TWNK: variants seen among roughly 807,000 people sequenced by gnomAD.
The protein encoded by TWNK is T7 gp4-like protein with intramitochondrial nucleoid localization.
A neutral mutation model predicts 58.2 loss-of-function variants in TWNK; 36 were observed. That is an observed-to-expected ratio of 0.62 (90% CI 0.47 to 0.82). The LOEUF is 0.82. Ranked by LOEUF, TWNK falls within the 40% of genes least tolerant of loss-of-function variation. TWNK has a pLI of 0.00. For missense variants in TWNK, 714 were observed against 881.0 expected (o/e 0.81, Z 2.40); for synonymous variants, 349 against 348.5 (o/e 1.00, Z -0.02).
At chr10:100,990,580 G>A (rs755236407) in intron 3 of TWNK, 37 bp downstream of exon 3, 11 of 1,613,344 alleles carry the variant, frequency 6.8e-6, no homozygotes, top group African/African-American at 2.7e-5. Flanking sequence ...GCTTGAGCCC[G>A]CTTGGACATA....
rs781680451 is a variant in TWNK, at chr10:100,993,554, G to C, written c.*44G>C. ...CACTGAAATGAGCCTGATAGGATAGGCTGGAGCATAAAACTCTGCAAGGGC... is the reference window on the plus strand; with the variant it reads ...CACTGAAATGAGCCTGATAGGATAGCCTGGAGCATAAAACTCTGCAAGGGC... On this transcript the variant is annotated 3_prime_UTR_variant, in exon 5 of 5. Transcript: ENST00000311916. 1.1e-5 allele frequency: 17 copies of C among 1,604,134 alleles called. No homozygotes were observed. Among genetic ancestry groups the C allele is most frequent in the East Asian group, 2.2e-5 (1 of 44,714 alleles).
chr10:100,988,156 C>A lies in TWNK; in HGVS notation c.-55C>A. 2.5e-6 allele frequency: 4 copies of A among 1,603,470 alleles called. No homozygotes were observed. The highest frequency in any genetic ancestry group is 3.4e-6 in the Non-Finnish European group (4 of 1,171,994). On this transcript the variant is annotated 5_prime_UTR_variant, in exon 1 of 5. Coordinates refer to ENST00000311916, the MANE Select transcript of TWNK (RefSeq NM_021830.5). This position sits in a 1 kb window ranked among gnomAD's most constrained non-coding sequence, Gnocchi z 5.2. ...CCTAGAGTTTGGTCTAGTGAAGGCA[C>A]GCTAACCAGGCACCTAAGGCATTTC...
At position 100,989,085 on chromosome 10, in the gene TWNK, C is replaced by T. The variant is rs371213994; in HGVS notation, c.875C>T (p.Pro292Leu). The change falls in exon 1 of 5, where the codon CCT (proline) becomes CTT (leucine). Residue 292 changes from proline (P) to leucine (L), a missense_variant. Physicochemically the swap from Pro to Leu is moderately conservative, Grantham distance 98. This residue lies in a region of TWNK where 348 missense variants were observed against 388.4 expected (regional missense o/e 0.90). Transcript: ENST00000311916. This position sits in a 1 kb window ranked among gnomAD's most constrained non-coding sequence, Gnocchi z 7.6. ...CCCCGAGGAACGACCTGCTTACCCC[C>T]TGCCTTACTCCCTTACCTGGAACAG... ...TLPRGTTCLP[P>L]ALLPYLEQFR... The T allele has an allele frequency of 6.2e-7, 1 of 1,613,822 alleles. No homozygotes were observed. Among genetic ancestry groups the T allele is most frequent in the Non-Finnish European group, 8.5e-7 (1 of 1,179,762 alleles).
rs1254938186 is a variant in TWNK, at chr10:100,993,244, G to A, written c.1789G>A (p.Gly597Arg). 3.1e-6 allele frequency: 5 copies of A among 1,614,062 alleles called. No homozygotes were observed. The highest frequency in any genetic ancestry group is 4.2e-6 in the Non-Finnish European group (5 of 1,180,054). Residue 597 changes from glycine (G) to arginine (R), a missense_variant, in exon 5 of 5, where the codon GGG becomes AGG. Coordinates refer to ENST00000311916, the MANE Select transcript of TWNK (RefSeq NM_021830.5). ...CCTGCAGGACAGGAAGCTGGTAACC[G>A]GGCCAGGGAAACGGTATCTGCAGGT... ...LILQDRKLVT[G>R]PGKRYLQVSK...
In TWNK at chr10:100,989,117, C is replaced by T. The variant is rs1159929268; in HGVS notation, c.907C>T (p.Arg303Trp). The T allele has an allele frequency of 6.8e-6, 11 of 1,612,260 alleles. No homozygotes were observed. The highest frequency in any genetic ancestry group is 4.5e-5 in the East Asian group (2 of 44,824). Residue 303 changes from arginine (R) to tryptophan (W), a missense_variant, in exon 1 of 5, where the codon CGG becomes TGG. By Grantham distance (101) the Arg-to-Trp change is moderately radical (BLOSUM62 -3). This residue lies in a region of TWNK where 348 missense variants were observed against 388.4 expected (regional missense o/e 0.90). Transcript: ENST00000311916. The surrounding 1 kb of genome is among the most constrained non-coding windows in gnomAD (Gnocchi z 7.6). ...ACTCCCTTACCTGGAACAGTTCCGG[C>T]GGATTGTATTCTGGTTGGGGGATGA... ...ALLPYLEQFR[R>W]IVFWLGDDLR...
chr10:100,990,721 T>C (rs1851745313), intron 3 of TWNK, 148 bp from the exon 4 acceptor site: 4 of 1,580,006 alleles, frequency 2.5e-6, no homozygotes, highest in African/African-American at 1.4e-5. Flanking sequence ...GCAGGATGTA[T>C]GGACAGGGAT....
In TWNK at chr10:100,989,860, CTT is replaced by C. The variant is rs863223925; in HGVS notation, c.1462_1463del (p.Phe488ProfsTer21). The C allele has an allele frequency of 8.7e-6, 14 of 1,614,218 alleles. No individual in the cohort carries two copies. The highest frequency in any genetic ancestry group is 1.2e-5 in the Non-Finnish European group (14 of 1,180,034). On this transcript the variant is annotated frameshift_variant, in exon 2 of 5. Transcript: ENST00000311916. LOFTEE classifies it high-confidence loss of function. This position sits in a 1 kb window ranked among gnomAD's most constrained non-coding sequence, Gnocchi z 7.6. ...GAGGACCTGCCCCTCTATTTCATGA[CTT>C]TCCATGGACAGCAAAGCATCAGGTG...
In TWNK at chr10:100,988,241, C is replaced by T; in HGVS notation, c.31C>T (p.Leu11Phe). ...GGTCCTCCTCCGAAGTGGGTACCCC[C>T]TCCGTATCTTGTTACCCCTGCGTGG... MWVLLRSGYP[L>F]RILLPLRGEW... Residue 11 changes from leucine (L) to phenylalanine (F), a missense_variant, in exon 1 of 5, where the codon CTC becomes TTC. Around this residue, in one of 3 missense-constraint regions of TWNK, gnomAD observed 348 missense variants for 388.4 expected, o/e 0.90. Coordinates refer to ENST00000311916, the MANE Select transcript of TWNK (RefSeq NM_021830.5). This position sits in a 1 kb window ranked among gnomAD's most constrained non-coding sequence, Gnocchi z 5.2. 2 of 1,614,194 alleles carry T rather than the reference C, an allele frequency of 1.2e-6. No individual in the cohort carries two copies. Among genetic ancestry groups the T allele is most frequent in the Non-Finnish European group, 1.7e-6 (2 of 1,180,040 alleles).
Position 100,993,579 on chromosome 10 carries a change from C to A in TWNK, c.*69C>A. On this transcript the variant is annotated 3_prime_UTR_variant, in exon 5 of 5. Coordinates refer to ENST00000311916, the MANE Select transcript of TWNK (RefSeq NM_021830.5). ...GCTGGAGCATAAAACTCTGCAAGGG[C>A]TCCTCTATCCTGTGGTCCTGAGCTG... 1 of 1,527,850 alleles carries A rather than the reference C, an allele frequency of 6.5e-7. No individual in the cohort carries two copies. Among genetic ancestry groups the A allele is most frequent in the South Asian group, 1.1e-5 (1 of 86,988 alleles). 94.6% of individuals were successfully genotyped at this position (1,527,850 alleles called of 1,614,324 possible). A position where few individuals can be genotyped will look rare whatever the true frequency, so the allele number is the denominator to read the frequency against.
chr10:100,993,309 G>A lies in TWNK; in HGVS notation c.1854G>A (p.Pro618=), dbSNP rs544684533. The change falls in exon 5 of 5, where the codon CCG becomes CCA. Residue 618 remains proline, a synonymous_variant. Coordinates refer to ENST00000311916, the MANE Select transcript of TWNK (RefSeq NM_021830.5). ...TTGATGGAGATGTAGGTGTCTTCCC[G>A]CTTGAGTTCAACAAGAACTCCCTCA... is the stretch of plus-strand genomic sequence containing the variant. ...NRFDGDVGVF[P]LEFNKNSLTF... is the part of the protein sequence containing the mutation. The A allele has an allele frequency of 2.8e-5, 45 of 1,614,152 alleles. No individual in the cohort carries two copies. The highest frequency in any genetic ancestry group is 5.5e-5 in the South Asian group (5 of 91,076).
intron 4 of TWNK, 63 bp from the exon 5 acceptor site, chr10:100,993,127 C>G (rs1236731035): frequency 6.5e-7 from 1 of 1,547,498 alleles, no homozygotes; most frequent in African/African-American, 1.4e-5. Flanking sequence ...CTGTCAGCCC[C>G]CCTTTCTGCT....
intron 4 of TWNK, among the ~76,000 whole-genome samples, chr10:100,991,788 G>A (rs1851780016): frequency 6.6e-6 from 1 of 151,774 alleles, no homozygotes; most frequent in South Asian, 2.1e-4. Context: ...CAAGGCGGGT[G>A]GATCACGAGG....
At position 100,994,403 on chromosome 10, in the gene TWNK, C is replaced by T. The variant is rs1455093271; in HGVS notation, c.*893C>T. On this transcript the variant is annotated 3_prime_UTR_variant, in exon 5 of 5. Transcript: ENST00000311916. ...TTTTACTAAAAAATTTTTCCATTGC[C>T]TTTGTTTCTGTGCTTTTTCTTATTC... 1 of 152,178 alleles carries T rather than the reference C, an allele frequency of 6.6e-6. No individual in the cohort carries two copies. The highest frequency in any genetic ancestry group is 6.5e-5 in the Admixed American group (1 of 15,272). The allele number at this position is 152,178 out of a possible 1,614,324, so 9.4% of individuals were successfully genotyped here.
rs1324622195 is a variant in TWNK at position 100,987,731 on chromosome 10, G to A, written c.-480G>A. Reference sequence around the variant, plus strand: ...CCGGGGGATTGGCGGGAGTCGTGCTGGGTGCTCTCGCCGTGTTGAGGTCCC... The same window carrying A: ...CCGGGGGATTGGCGGGAGTCGTGCTAGGTGCTCTCGCCGTGTTGAGGTCCC... On this transcript the variant is annotated 5_prime_UTR_variant, in exon 1 of 5. Coordinates refer to ENST00000311916, the MANE Select transcript of TWNK (RefSeq NM_021830.5). 1.0e-5 allele frequency: 6 copies of A among 587,252 alleles called. No homozygotes were observed. Among genetic ancestry groups the A allele is most frequent in the South Asian group, 6.4e-5 (3 of 46,918 alleles). 36.4% of individuals were successfully genotyped at this position (587,252 alleles called of 1,614,324 possible). A position where few individuals can be genotyped will look rare whatever the true frequency, so the allele number is the denominator to read the frequency against.
intron 4 of TWNK, 89 bp downstream of exon 4, chr10:100,991,099 G>T: frequency 1.3e-6 from 2 of 1,588,626 alleles, no homozygotes; most frequent in Non-Finnish European, 1.7e-6. Flanking sequence ...TAATCGTCTT[G>T]ACTGTCCATC....
rs1382315425 is a variant in TWNK at position 100,989,696 on chromosome 10, G to T, written c.1296G>T (p.Leu432Phe). The T allele has an allele frequency of 1.2e-6, 2 of 1,614,062 alleles. No homozygotes were observed. Among genetic ancestry groups the T allele is most frequent in the Non-Finnish European group, 1.7e-6 (2 of 1,180,036 alleles). Residue 432 changes from leucine to phenylalanine, a missense_variant, in exon 2 of 5, where the codon TTG becomes TTT. Leu to Phe is a conservative substitution (Grantham distance 22). Around this residue, in one of 3 missense-constraint regions of TWNK, gnomAD observed 302 missense variants for 438.6 expected, o/e 0.69. Coordinates refer to ENST00000311916, the MANE Select transcript of TWNK (RefSeq NM_021830.5). The surrounding 1 kb of genome is among the most constrained non-coding windows in gnomAD (Gnocchi z 7.6). ...TTFISEYALD[L>F]CSQGVNTLWG... ...TCATCAGTGAGTATGCCCTGGATTT[G>T]TGTTCCCAGGGGGTGAACACACTGT...
At position 100,988,471 on chromosome 10, in the gene TWNK, T is replaced by G. The variant is rs1344685740; in HGVS notation, c.261T>G (p.Ser87=). 6.2e-7 allele frequency: 1 copy of G among 1,614,144 alleles called. No individual in the cohort carries two copies. The highest frequency in any genetic ancestry group is 1.3e-5 in the African/African-American group (1 of 74,954). The change falls in exon 1 of 5, where the codon TCT becomes TCG. Residue 87 remains serine (S), a synonymous_variant. Transcript: ENST00000311916. This position sits in a 1 kb window ranked among gnomAD's most constrained non-coding sequence, Gnocchi z 5.2. The stretch of plus-strand genomic sequence containing the variant: ...GGGCACTGAGCCCCTTTGCAGAGTC[T>G]TCACAGCTCAAAGGCCAGACTGGTG... ...CLRALSPFAE[S]SQLKGQTGVT...
Position 100,993,157 on chromosome 10 carries a change from C to T in TWNK, c.1735-33C>T, listed in dbSNP as rs775715673. ...TCTGCTTTGCTCATGTCCTCTTACT[C>T]CTGCTTTCCTCCTTCTGCCCCCTGT... On this transcript the variant is annotated intron_variant, in intron 4 of 4. Coordinates refer to ENST00000311916, the MANE Select transcript of TWNK (RefSeq NM_021830.5). 5.0e-6 allele frequency: 8 copies of T among 1,611,164 alleles called. No individual in the cohort carries two copies. In the South Asian group the frequency reaches 8.8e-5, roughly 18 times the overall value.
chr10:100,991,018 G>A lies in TWNK; in HGVS notation c.1734+8G>A. The stretch of plus-strand genomic sequence containing the variant: ...ATTTTTGGCTCAGCCAAAGTGAGTG[G>A]CCTTTAGCGGAGCTCAAGCTTTGGA... On this transcript the variant is annotated splice_region_variant and intron_variant, in intron 4 of 4. Transcript: ENST00000311916. 1 of 1,614,144 alleles carries A rather than the reference G, an allele frequency of 6.2e-7. No homozygotes were observed. Among genetic ancestry groups the A allele is most frequent in the Non-Finnish European group, 8.5e-7 (1 of 1,179,976 alleles).
Sources: allele counts gnomAD v4.1 joint callset (sites outside exome capture counted in the v4.1 genomes callset), GRCh38; gene constraint gnomAD v4.1.1; regional missense constraint gnomAD v4.1.1; non-coding constraint Gnocchi (gnomAD v3.1); transcripts MANE v1.5; gene names NCBI Gene and HGNC (gene_info 2026-07-23, HGNC 2026-07-21).